Variants in BRINP1 observed in about 807,000 individuals in gnomAD.
BRINP1 encodes the protein BMP/retinoic acid inducible neural specific 1, also known as BMP/retinoic acid-inducible neural-specific protein 1.
Under a neutral mutation model 72.9 loss-of-function variants are expected in BRINP1, and 17 were observed. The observed-to-expected ratio is 0.23, with a 90% CI of 0.16 to 0.35. The LOEUF (loss-of-function observed/expected upper bound fraction) is 0.35. BRINP1 is among the 10% of genes least tolerant of loss of function. BRINP1 has a pLI of 1.00. For missense variants in BRINP1, 850 were observed against 1,001.6 expected (o/e 0.85, Z 2.04); for synonymous variants, 418 against 378.5 (o/e 1.10, Z -1.21).
chr9:119,280,601 A>C (rs112787699), intron 2 of BRINP1, among the ~76,000 whole-genome samples: 2 of 152,098 alleles, frequency 1.3e-5, no homozygotes, highest in Non-Finnish European at 2.9e-5. Context: ...TGCAGCAATA[A>C]TTACTTAGTA....
At chr9:119,176,158 G>A (rs950542053) in intron 7 of BRINP1, among the ~76,000 whole-genome samples, 36 of 152,182 alleles carry the variant, frequency 2.4e-4, no homozygotes, top group African/African-American at 8.7e-4. Flanking sequence ...GAAGCTAAGG[G>A]TGAAAGGACT....
At chr9:119,226,937 T>C (rs1830098209) in intron 5 of BRINP1, among the ~76,000 whole-genome samples, 1 of 152,022 alleles carries the variant, frequency 6.6e-6, no homozygotes, top group Non-Finnish European at 1.5e-5. Flanking sequence ...TGAGTGGATC[T>C]GGGTTCAAAT....
At chr9:119,364,358 T>C (rs1390789975) in intron 1 of BRINP1, among the ~76,000 whole-genome samples, 4 of 152,102 alleles carry the variant, frequency 2.6e-5, no homozygotes, top group Non-Finnish European at 2.9e-5. Flanking sequence ...TTGCTATCAC[T>C]AAAAGTACTA....
intron 7 of BRINP1, among the ~76,000 whole-genome samples, chr9:119,170,813 T>G (rs1254019435): frequency 2.1e-5 from 3 of 141,532 alleles, no homozygotes; most frequent in African/African-American, 8.7e-5. Context: ...CAGAAGAGAG[T>G]GGGGGCCAAT....
At chr9:119,210,112 C>T (rs749239482) in intron 6 of BRINP1, among the ~76,000 whole-genome samples, 6 of 152,248 alleles carry the variant, frequency 3.9e-5, no homozygotes, top group Admixed American at 2.0e-4. Context: ...TTAAAGGTAA[C>T]GTGGCTGATA....
chr9:119,207,963 C>T (rs1829875894), intron 7 of BRINP1, among the ~76,000 whole-genome samples: 1 of 152,160 alleles, frequency 6.6e-6, no homozygotes, highest in Admixed American at 6.5e-5. Flanking sequence ...GAACTACCAG[C>T]TGCAGATCAG....
rs537117118 is a variant in BRINP1, at chr9:119,290,006, T to C, written c.218+23132A>G. On this transcript the variant is annotated intron_variant, in intron 2 of 7. Transcript: ENST00000265922. ...TCACCTGCAGTGATCCTTCAATAAT[T>C]AAATCAGGAACTGGTCAAGTCTGCA... Among the ~76,000 whole-genome samples, 3 of 152,278 alleles carry C rather than the reference T, an allele frequency of 2.0e-5. No individual in the cohort carries two copies. In the South Asian group the frequency reaches 6.2e-4, roughly 32 times the overall value.
intron 5 of BRINP1, among the ~76,000 whole-genome samples, chr9:119,218,290 C>T (rs1483364863): frequency 2.6e-5 from 4 of 151,156 alleles, no homozygotes; most frequent in Admixed American, 6.6e-5. Context: ...CTGCAACCTC[C>T]GCCTCCCGGG....
intron 2 of BRINP1, among the ~76,000 whole-genome samples, chr9:119,271,324 C>CGA (rs35560416): frequency 3.0e-4 from 43 of 142,708 alleles, no homozygotes; most frequent in African/African-American, 1.1e-3. Context: ...CCAGAAGGAC[C>CGA]AAAAAAAAAA....
chr9:119,224,596 G>A (rs551077919), intron 5 of BRINP1, among the ~76,000 whole-genome samples: 30 of 152,098 alleles, frequency 2.0e-4, no homozygotes, highest in African/African-American at 7.2e-4. Context: ...TAACCACAAA[G>A]GTTGATTTGT....
chr9:119,179,365 A>G (rs1190417015), intron 7 of BRINP1, among the ~76,000 whole-genome samples: 1 of 152,150 alleles, frequency 6.6e-6, no homozygotes, highest in Non-Finnish European at 1.5e-5. Context: ...GGAAGGAGAA[A>G]GTAGGAGAAA....
chr9:119,191,234 T>A (rs1829680588), intron 7 of BRINP1, among the ~76,000 whole-genome samples: 1 of 151,944 alleles, frequency 6.6e-6, no homozygotes, highest in African/African-American at 2.4e-5. Context: ...CAGGCAAGAA[T>A]GTCCACTCTT....
chr9:119,317,911 A>T (rs1831142047), intron 1 of BRINP1, among the ~76,000 whole-genome samples: 1 of 152,230 alleles, frequency 6.6e-6, no homozygotes, highest in Non-Finnish European at 1.5e-5. Flanking sequence ...TTTCTGAGAC[A>T]CACTGCTATC....
intron 2 of BRINP1, among the ~76,000 whole-genome samples, chr9:119,281,914 GC>G (rs1428488668): frequency 6.6e-6 from 1 of 152,128 alleles, no homozygotes; most frequent in Non-Finnish European, 1.5e-5. Context: ...CAGGTATTCA[GC>G]TTGTTTTCAT....
chr9:119,243,845 G>A (rs2118913992), intron 3 of BRINP1, among the ~76,000 whole-genome samples: 1 of 152,282 alleles, frequency 6.6e-6, no homozygotes, highest in East Asian at 1.9e-4. Flanking sequence ...AGTCATAGGA[G>A]ATCATTTTAA....
At chr9:119,183,933 G>T (rs1440364762) in intron 7 of BRINP1, among the ~76,000 whole-genome samples, 23 of 152,100 alleles carry the variant, frequency 1.5e-4, no homozygotes, top group Admixed American at 1.5e-3. Flanking sequence ...GACGTGGAGG[G>T]TGGAGGTAGA....
chr9:119,276,027 C>T (rs117228769), intron 2 of BRINP1, among the ~76,000 whole-genome samples: 6 of 152,060 alleles, frequency 3.9e-5, no homozygotes, highest in Admixed American at 2.6e-4. Flanking sequence ...TCCTTGTCTC[C>T]TTCATTTCCT....
At chr9:119,231,873 T>C (rs1196054415) in intron 5 of BRINP1, among the ~76,000 whole-genome samples, 5 of 152,070 alleles carry the variant, frequency 3.3e-5, no homozygotes, top group African/African-American at 4.8e-5. Context: ...AATTTTTTTT[T>C]CTCTATCTAC....
At chr9:119,208,629 A>G in intron 7 of BRINP1, 90 bp downstream of exon 7, 1 of 1,334,274 alleles carries the variant, frequency 7.5e-7, no homozygotes, top group Non-Finnish European at 1.1e-6. Flanking sequence ...CCACAAATGC[A>G]CCATCTGCAT....
Sources: allele counts gnomAD v4.1 joint callset (sites outside exome capture counted in the v4.1 genomes callset), GRCh38; gene constraint gnomAD v4.1.1; transcripts MANE v1.5; gene names NCBI Gene and HGNC (gene_info 2026-07-23, HGNC 2026-07-21).